The following BANP variants were observed in gnomAD, a reference collection of about 807,000 sequenced individuals.
The protein encoded by BANP is protein BANP.
Under a neutral mutation model 68.1 loss-of-function variants are expected in BANP, and 11 were observed. That is an observed-to-expected ratio of 0.16 (90% CI 0.10 to 0.27). The LOEUF (loss-of-function observed/expected upper bound fraction) is 0.27. Among genes scored for constraint, BANP ranks in the 10% least tolerant of loss-of-function variants. BANP has a pLI of 1.00. For synonymous variants in BANP, 329 were observed against 303.2 expected, an observed-to-expected ratio of 1.09 and a Z score of -0.88; for missense variants, 504 against 722.7, an observed-to-expected ratio of 0.70 and a Z score of 3.47.
intron 3 of BANP, among the ~76,000 whole-genome samples, chr16:87,982,068 C>G (rs2063376907): frequency 1.3e-5 from 2 of 152,224 alleles, no homozygotes; most frequent in Admixed American, 6.5e-5. Flanking sequence ...GAAAAACTTA[C>G]AAATAAATTG....
intron 11 of BANP, among the ~76,000 whole-genome samples, chr16:88,050,693 T>C (rs191573438): frequency 2.6e-5 from 4 of 152,194 alleles, no homozygotes; most frequent in African/African-American, 9.6e-5. Flanking sequence ...TTTTTCATTT[T>C]AATTTTTTGT....
intron 8 of BANP, among the ~76,000 whole-genome samples, chr16:88,030,538 AGCTGCTG>A (rs1321184107): frequency 6.6e-6 from 1 of 152,266 alleles, no homozygotes; most frequent in Non-Finnish European, 1.5e-5. Flanking sequence ...GTGAGCAAGA[AGCTGCTG>A]TTATATAACC....
intron 1 of BANP, among the ~76,000 whole-genome samples, chr16:87,959,604 C>A (rs2058732709): frequency 6.6e-6 from 1 of 152,228 alleles, no homozygotes; most frequent in African/African-American, 2.4e-5. Flanking sequence ...GGCTTAGCGG[C>A]CATGGTCTTC....
chr16:88,023,018 C>T (rs999473453), intron 7 of BANP, among the ~76,000 whole-genome samples: 5 of 152,176 alleles, frequency 3.3e-5, no homozygotes, highest in African/African-American at 1.2e-4. Context: ...CACGGGTGGT[C>T]AGGTGCTGTC....
rs1036323921 is a variant in BANP, at chr16:88,018,942, G to C, written c.895+275G>C. Among the ~76,000 whole-genome samples the C allele has an allele frequency of 5.9e-5, 9 of 152,164 alleles. No individual in the cohort carries two copies. The highest frequency in any genetic ancestry group is 1.9e-4 in the African/African-American group (8 of 41,430). ...ACCCTTAGAAGGTGAAAAACTCCTC[G>C]CCTCCTGTCTGTAGGCCACTCTTGA... On this transcript the variant is annotated intron_variant, in intron 7 of 13. Transcript: ENST00000682872. This position sits in a 1 kb window ranked among gnomAD's most constrained non-coding sequence, Gnocchi z 7.7.
At chr16:87,952,902 G>A (rs1357859401) in intron 1 of BANP, among the ~76,000 whole-genome samples, 1 of 152,166 alleles carries the variant, frequency 6.6e-6, no homozygotes, top group Non-Finnish European at 1.5e-5. Context: ...AGCCTCCTGA[G>A]TAGCTCGGAC....
At chr16:88,017,882 G>A (rs554276535) in intron 6 of BANP, among the ~76,000 whole-genome samples, 5 of 152,348 alleles carry the variant, frequency 3.3e-5, no homozygotes, top group African/African-American at 9.6e-5. Flanking sequence ...GAATGCTGGC[G>A]TCAAGGGCAT....
chr16:87,981,115 T>A lies in BANP; in HGVS notation c.150T>A (p.Asp50Glu), dbSNP rs758122322. ...KRQRLEINCQ[D>E]PSIKSFLYSI... Reference sequence around the variant, plus strand: ...AGCGACTAGAAATCAATTGCCAGGATCCATCTATAAAGGTAAAAATCTGAC... The same window carrying A: ...AGCGACTAGAAATCAATTGCCAGGAACCATCTATAAAGGTAAAAATCTGAC... The change falls in exon 3 of 14, where the codon GAT becomes GAA. Residue 50 changes from aspartate to glutamate, a missense_variant. Asp to Glu is a conservative substitution (Grantham distance 45). This residue lies in a region of BANP where 238 missense variants were observed against 278.9 expected (regional missense o/e 0.85). Coordinates refer to ENST00000682872, the MANE Select transcript of BANP (RefSeq NM_001386991.1). 11 of 1,613,766 alleles carry A rather than the reference T, an allele frequency of 6.8e-6. No individual in the cohort carries two copies. The highest frequency in any genetic ancestry group is 8.5e-7 in the Non-Finnish European group (1 of 1,179,818).
intron 4 of BANP, among the ~76,000 whole-genome samples, chr16:88,001,748 T>C (rs1342307807): frequency 6.6e-6 from 1 of 152,198 alleles, no homozygotes; most frequent in Non-Finnish European, 1.5e-5. Context: ...CTTTTGGCAG[T>C]CGAATGTTAT....
intron 6 of BANP, among the ~76,000 whole-genome samples, chr16:88,009,151 T>TG (rs1173834505): frequency 3.9e-5 from 6 of 152,164 alleles, no homozygotes; most frequent in Non-Finnish European, 5.9e-5. Flanking sequence ...AGCACTTCCA[T>TG]GGGGGGTGCG....
intron 11 of BANP, among the ~76,000 whole-genome samples, chr16:88,047,172 AAAATCCCAAGCCAG>A (rs1360156754): frequency 6.6e-6 from 1 of 152,164 alleles, no homozygotes; most frequent in Non-Finnish European, 1.5e-5. Flanking sequence ...TGTGTTGTTT[AAAATCCCAAGCCAG>A]AGCTCCCGGG....
Position 88,018,220 on chromosome 16 carries a change from T to G in BANP, c.656-208T>G, listed in dbSNP as rs1169573507. Among the ~76,000 whole-genome samples the G allele has an allele frequency of 6.6e-6, 1 of 151,598 alleles. No homozygotes were observed. The highest frequency in any genetic ancestry group is 1.9e-4 in the East Asian group (1 of 5,154). On this transcript the variant is annotated intron_variant, in intron 6 of 13. Coordinates refer to ENST00000682872, the MANE Select transcript of BANP (RefSeq NM_001386991.1). The surrounding 1 kb of genome is among the most constrained non-coding windows in gnomAD (Gnocchi z 7.7). ...GCACGTGGCCGCTTCTCGGGGGTGG[T>G]GGGATCGTGTCTGTTCCGCGTCAGT...
At chr16:87,988,677 T>C (rs2065091734) in intron 4 of BANP, among the ~76,000 whole-genome samples, 1 of 152,176 alleles carries the variant, frequency 6.6e-6, no homozygotes, top group African/African-American at 2.4e-5. Context: ...CTCCTTGCTG[T>C]GAGGGATTAG....
chr16:88,023,888 G>T (rs1392601863), intron 7 of BANP, among the ~76,000 whole-genome samples: 4 of 152,218 alleles, frequency 2.6e-5, no homozygotes, highest in Admixed American at 1.3e-4. Flanking sequence ...AGGCAATCCC[G>T]TCCCGGCCTT....
At chr16:88,009,906 C>T (rs8054002) in intron 6 of BANP, among the ~76,000 whole-genome samples, 1 of 150,542 alleles carries the variant, frequency 6.6e-6, no homozygotes, top group Non-Finnish European at 1.5e-5. Context: ...ACTGTAGCTC[C>T]TGACTGTTGA....
chr16:88,020,739 CAG>C (rs1288643138), intron 7 of BANP, among the ~76,000 whole-genome samples: 4 of 152,304 alleles, frequency 2.6e-5, no homozygotes, highest in African/African-American at 9.6e-5. Flanking sequence ...GGGGAGAAGA[CAG>C]GGGCCTTGGA....
chr16:88,032,141 A>T (rs543855434), intron 8 of BANP, among the ~76,000 whole-genome samples: 14 of 150,670 alleles, frequency 9.3e-5, no homozygotes, highest in African/African-American at 3.2e-4. Flanking sequence ...TATGTCTTTC[A>T]TTTTTCTCCT....
At chr16:87,965,866 G>A (rs2059927349) in intron 1 of BANP, among the ~76,000 whole-genome samples, 1 of 152,176 alleles carries the variant, frequency 6.6e-6, no homozygotes, top group Non-Finnish European at 1.5e-5. Context: ...TACGGAATAA[G>A]GCCTATGGAA....
intron 11 of BANP, 37 bp downstream of exon 11, chr16:88,038,048 C>G (rs377374842): frequency 1.3e-6 from 2 of 1,578,146 alleles, no homozygotes; most frequent in Admixed American, 1.7e-5. Context: ...GCGGGCGTTG[C>G]GCTGCCGAGG....
Sources: allele counts gnomAD v4.1 joint callset (sites outside exome capture counted in the v4.1 genomes callset), GRCh38; gene constraint gnomAD v4.1.1; regional missense constraint gnomAD v4.1.1; non-coding constraint Gnocchi (gnomAD v3.1); transcripts MANE v1.5; gene names NCBI Gene and HGNC (gene_info 2026-07-23, HGNC 2026-07-21).